The following NHS variants were observed in gnomAD, a reference collection of about 807,000 sequenced individuals.
NHS encodes the protein NHS actin remodeling regulator.
In NHS, 5 loss-of-function variants were observed where a neutral mutation model predicts 72.5. The ratio of observed to expected loss-of-function variants is 0.07; its 90% CI spans 0.04 to 0.14. NHS has a LOEUF of 0.14. Among genes scored for constraint, NHS ranks in the 10% least tolerant of loss-of-function variants. The probability of loss-of-function intolerance (pLI) is 1.00; values close to 1 mark genes in which losing one functional copy is unlikely to be tolerated. For missense variants in NHS, 1,072 were observed against 1,355.7 expected, an observed-to-expected ratio of 0.79 and a Z score of 3.29; for synonymous variants, 464 against 547.7, an observed-to-expected ratio of 0.85 and a Z score of 2.13.
chrX:17,658,222 A>C (rs1453240781), intron 1 of NHS, among the ~76,000 whole-genome samples: 1 of 112,810 alleles, frequency 8.9e-6, no homozygotes, highest in Non-Finnish European at 1.9e-5. Flanking sequence ...ATGGTGGTAA[A>C]GTCCAGCTTG....
At chrX:17,435,766 T>A (rs1429826515) in intron 1 of NHS, among the ~76,000 whole-genome samples, 1 of 112,244 alleles carries the variant, frequency 8.9e-6, no homozygotes, top group Non-Finnish European at 1.9e-5. Flanking sequence ...TCCAGTGGGA[T>A]TTATCTGGTC....
At chrX:17,650,602 C>A (rs2065926446) in intron 1 of NHS, among the ~76,000 whole-genome samples, 1 of 112,224 alleles carries the variant, frequency 8.9e-6, no homozygotes, top group Non-Finnish European at 1.9e-5. Flanking sequence ...CACATTCCCA[C>A]CTATCAGAAT....
Position 17,409,868 on chromosome X carries a change from T to C in NHS, c.565+33546T>C, listed in dbSNP as rs139436584. Among the ~76,000 whole-genome samples the C allele has an allele frequency of 6.3e-5, 7 of 111,736 alleles. No homozygotes were observed. The East Asian group carries it at 2.0e-3, about 32-fold the overall frequency. On this transcript the variant is annotated intron_variant, in intron 1 of 8. Transcript: ENST00000676302. ...CAAATGGCACTGATTAATACTATAA[T>C]GGGGTAATAATGAGGCCTAGGTAAA...
chrX:17,692,246 TTA>T, intron 2 of NHS, 87 bp from the exon 3 acceptor site: 2 of 1,095,160 alleles, frequency 1.8e-6, no homozygotes, highest in Admixed American at 4.7e-5. Flanking sequence ...TTTTTTTTTT[TTA>T]CAGCCTTTTG....
chrX:17,466,066 C>T (rs1447604322), intron 1 of NHS, among the ~76,000 whole-genome samples: 1 of 113,284 alleles, frequency 8.8e-6, no homozygotes, highest in African/African-American at 3.2e-5. Context: ...GCAAACAGAG[C>T]ACAGATCACA....
rs1244529172 is a variant in NHS at position 17,525,642 on chromosome X, T to TC, written c.565+149320_565+149321insC. Among the ~76,000 whole-genome samples the TC allele has an allele frequency of 4.9e-5, 5 of 101,360 alleles. No homozygotes were observed. In the East Asian group the frequency reaches 8.8e-4, roughly 18 times the overall value. 88.0% of individuals were successfully genotyped at this position (101,360 alleles called of 115,157 possible). ...GTTTTCTTTTTTCTTTCTTTTCTTT[T>TC]TTTTTTTTTTTTTTTTTACTACAGT... On this transcript the variant is annotated intron_variant, in intron 1 of 8. Coordinates refer to ENST00000676302, the MANE Select transcript of NHS (RefSeq NM_001291867.2).
At chrX:17,631,659 T>C (rs1490406689) in intron 1 of NHS, among the ~76,000 whole-genome samples, 1 of 111,925 alleles carries the variant, frequency 8.9e-6, no homozygotes, top group Non-Finnish European at 1.9e-5. Context: ...ATTGCTAAGA[T>C]TTGTTTCAGT....
At position 17,376,207 on chromosome X, in the gene NHS, C is replaced by T. The variant is rs777170978; in HGVS notation, c.450C>T (p.Phe150=). ...SDVARHACSL[F]QELESDIQLT... ...TGGCCCGGCACGCTTGCAGCCTCTT[C>T]CAGGAGCTCGAGAGCGACATCCAGC... The change falls in exon 1 of 9, where the codon TTC becomes TTT. Residue 150 remains phenylalanine (F), a synonymous_variant. Transcript: ENST00000676302. 3 of 1,187,945 alleles carry T rather than the reference C, an allele frequency of 2.5e-6. No individual in the cohort carries two copies. Among genetic ancestry groups the T allele is most frequent in the African/African-American group, 3.5e-5 (2 of 57,209 alleles).
In NHS at chrX:17,516,302, C is replaced by A. The variant is rs1379273804; in HGVS notation, c.565+139980C>A. On this transcript the variant is annotated intron_variant, in intron 1 of 8. Transcript: ENST00000676302. ...TTGGACAGTGCATCCTTAGCTGATA[C>A]TTGGTGAGAAGCATTAGGCTTGGAG... Among the ~76,000 whole-genome samples, 3 of 111,460 alleles carry A rather than the reference C, an allele frequency of 2.7e-5. No individual in the cohort carries two copies. In the Admixed American group the frequency reaches 2.9e-4, roughly 11 times the overall value.
chrX:17,726,676 C>A lies in NHS; in HGVS notation c.2570C>A (p.Ser857Ter). The stretch of plus-strand genomic sequence containing the variant: ...CCGACCCCACCTAAACGTAGCTCAT[C>A]ATTGAGGAAGTCTGATGGAAACGCA... ...AKPTPPKRSS[S>*]LRKSDGNADI... The change falls in exon 7 of 9, where the codon TCA becomes TAA. Residue 857 changes from serine (S) to a stop codon, truncating the protein, a stop_gained. Transcript: ENST00000676302. LOFTEE classifies it high-confidence loss of function. 1 of 1,211,874 alleles carries A rather than the reference C, an allele frequency of 8.3e-7. No homozygotes were observed. Among genetic ancestry groups the A allele is most frequent in the Non-Finnish European group, 1.1e-6 (1 of 895,589 alleles).
intron 1 of NHS, among the ~76,000 whole-genome samples, chrX:17,494,421 A>C (rs1013806584): frequency 1.8e-5 from 2 of 111,787 alleles, no homozygotes; most frequent in Admixed American, 1.9e-4. Flanking sequence ...GTCTTTCCAA[A>C]ATATGAAGGA....
At chrX:17,509,370 G>T (rs1036100389) in intron 1 of NHS, among the ~76,000 whole-genome samples, 30 of 109,988 alleles carry the variant, frequency 2.7e-4, no homozygotes, top group Non-Finnish European at 5.5e-4. Context: ...GGGACTACAG[G>T]CACCCGCCAT....
intron 3 of NHS, among the ~76,000 whole-genome samples, chrX:17,698,639 ACAGT>A (rs991421047): frequency 3.0e-4 from 34 of 112,151 alleles, no homozygotes; most frequent in African/African-American, 1.0e-3. Context: ...ACTGATAAAG[ACAGT>A]CAGACCAATA....
At chrX:17,664,854 C>T (rs957430604) in intron 1 of NHS, among the ~76,000 whole-genome samples, 3 of 111,351 alleles carry the variant, frequency 2.7e-5, no homozygotes, top group African/African-American at 9.8e-5. Context: ...AGCTTTTGAT[C>T]ATATAGGTCT....
chrX:17,553,259 AAG>A (rs201302223), intron 1 of NHS, among the ~76,000 whole-genome samples: 2,064 of 112,959 alleles, frequency 0.018, 49 homozygotes, highest in African/African-American at 0.062. Flanking sequence ...TCACAAGAAT[AAG>A]AACATGGCAA....
intron 1 of NHS, among the ~76,000 whole-genome samples, chrX:17,611,534 T>C (rs1247834088): frequency 8.9e-6 from 1 of 112,307 alleles, no homozygotes; most frequent in African/African-American, 3.3e-5. Flanking sequence ...AAGAAACATT[T>C]TGAAAAGTTT....
At chrX:17,410,804 C>A (rs1386500439) in intron 1 of NHS, among the ~76,000 whole-genome samples, 1 of 111,204 alleles carries the variant, frequency 9.0e-6, no homozygotes, top group Non-Finnish European at 1.9e-5. Flanking sequence ...TCAAAAAAGG[C>A]AAAAATCCTA....
intron 1 of NHS, among the ~76,000 whole-genome samples, chrX:17,678,271 G>GGTGTGT (rs747335244): frequency 3.4e-4 from 35 of 102,706 alleles, no homozygotes; most frequent in African/African-American, 1.3e-3. Context: ...AATGACTGTG[G>GGTGTGT]GTGTGTGTGT....
chrX:17,648,562 A>C (rs1241079655), intron 1 of NHS, among the ~76,000 whole-genome samples: 1 of 112,512 alleles, frequency 8.9e-6, no homozygotes, highest in Non-Finnish European at 1.9e-5. Context: ...ATAACGAAGC[A>C]CCTGTATTTG....
Sources: gnomAD v4.1 joint callset for allele counts (sites outside exome capture counted in the v4.1 genomes callset) on GRCh38, gnomAD v4.1.1 for gene constraint, MANE v1.5 for transcripts, NCBI Gene and HGNC (gene_info 2026-07-23, HGNC 2026-07-21) for gene names.